GSE1: variants seen among roughly 807,000 people sequenced by gnomAD.
The protein encoded by GSE1 is genetic suppressor element 1.
Under a neutral mutation model 112.6 loss-of-function variants are expected in GSE1, and 32 were observed. That is an observed-to-expected ratio of 0.28 (90% CI 0.21 to 0.38). The LOEUF (loss-of-function observed/expected upper bound fraction) is 0.38. GSE1 is among the 10% of genes least tolerant of loss of function. The pLI is 1.00. For missense variants in GSE1, 2,348 were observed against 1,699.2 expected, an observed-to-expected ratio of 1.38 and a Z score of -6.71; for synonymous variants, 1,115 against 735.6, an observed-to-expected ratio of 1.52 and a Z score of -8.35.
chr16:85,317,385 C>A (rs927815810), intron 1 of GSE1, among the ~76,000 whole-genome samples: 4 of 152,176 alleles, frequency 2.6e-5, no homozygotes. Flanking sequence ...TTCCTACCTC[C>A]AGCTCCAGCG....
intron 2 of GSE1, among the ~76,000 whole-genome samples, chr16:85,403,438 C>T (rs1265664794): frequency 1.3e-5 from 2 of 152,082 alleles, no homozygotes; most frequent in Admixed American, 1.3e-4. Context: ...ATGAGGGTCT[C>T]TTGGTTGGTT....
At chr16:85,607,421 A>T (rs2047756922), upstream of GSE1, among the ~76,000 whole-genome samples, 1 of 152,254 alleles carries the variant, frequency 6.6e-6, no homozygotes, top group Non-Finnish European at 1.5e-5. Context: ...GGCGGCGCTC[A>T]CAAAGCGAGG....
chr16:85,655,960 C>A (rs565027012), intron 6 of GSE1, 43 bp downstream of exon 6: 31 of 1,478,954 alleles, frequency 2.1e-5, no homozygotes, highest in Non-Finnish European at 2.7e-5. Flanking sequence ...CCCTCCCTGT[C>A]CCTTGATGGC....
intron 2 of GSE1, among the ~76,000 whole-genome samples, chr16:85,641,559 G>C (rs571045060): frequency 6.6e-6 from 1 of 152,256 alleles, no homozygotes; most frequent in African/African-American, 2.4e-5. Flanking sequence ...TGGAACGCAG[G>C]GGGTCGCGGC....
At chr16:85,656,896 C>T (rs2052006812) in intron 7 of GSE1, among the ~76,000 whole-genome samples, 2 of 152,214 alleles carry the variant, frequency 1.3e-5, no homozygotes, top group Non-Finnish European at 1.5e-5. Context: ...GTAGCCGGGG[C>T]ATTAGGAAGG....
intron 1 of GSE1, among the ~76,000 whole-genome samples, chr16:85,620,576 G>A (rs1391221664): frequency 6.6e-6 from 1 of 152,234 alleles, no homozygotes; most frequent in East Asian, 1.9e-4. Context: ...GCCGATCCAC[G>A]CGGTCGTCTC....
At chr16:85,569,805 C>T (rs2045907892) in intron 1 of GSE1, among the ~76,000 whole-genome samples, 1 of 152,244 alleles carries the variant, frequency 6.6e-6, no homozygotes, top group Non-Finnish European at 1.5e-5. Context: ...TGCATCAGGC[C>T]TGTGTGGGCT....
chr16:85,660,017 G>T (rs2052299407), intron 8 of GSE1, among the ~76,000 whole-genome samples: 1 of 152,234 alleles, frequency 6.6e-6, no homozygotes, highest in African/African-American at 2.4e-5. Context: ...GCAGACACTG[G>T]AAGGTTGTCT....
intron 2 of GSE1, among the ~76,000 whole-genome samples, chr16:85,374,126 T>C (rs147141908): frequency 1.3e-5 from 2 of 151,980 alleles, no homozygotes; most frequent in Non-Finnish European, 2.9e-5. Context: ...GTGTAGTGTG[T>C]GTCAGTGTGC....
chr16:85,306,051 A>C (rs1456860634), intron 1 of GSE1, among the ~76,000 whole-genome samples: 2 of 152,112 alleles, frequency 1.3e-5, no homozygotes, highest in East Asian at 1.9e-4. Flanking sequence ...AGATCGTGCC[A>C]CTGCACTCCA....
chr16:85,478,914 TC>T lies in GSE1; in HGVS notation c.2464+121272del, dbSNP rs1567520760. On this transcript the variant is annotated intron_variant, in intron 2 of 2. Transcript: ENST00000637419. ...TTCTTTCTTTCTTTCTTTCTTTCTT[TC>T]TTTCTTTCTTTCTCTTTCTTTCTTT... is the stretch of plus-strand genomic sequence containing the variant. Among the ~76,000 whole-genome samples, 57 of 57,756 alleles carry T rather than the reference TC, an allele frequency of 9.9e-4. 1 individual carries two copies. The highest frequency in any genetic ancestry group is 1.4e-3 in the African/African-American group (15 of 10,502). 37.9% of individuals were successfully genotyped at this position (57,756 alleles called of 152,430 possible). A position where few individuals can be genotyped will look rare whatever the true frequency, so the allele number is the denominator to read the frequency against.
At chr16:85,657,678 C>G (rs2052083619) in intron 8 of GSE1, 74 bp downstream of exon 8, 15 of 1,032,040 alleles carry the variant, frequency 1.5e-5, no homozygotes, top group Non-Finnish European at 2.0e-5. Flanking sequence ...TGAGCACCTC[C>G]TGTTTGCCCA....
chr16:85,546,762 C>T (rs890255309), intron 2 of GSE1, among the ~76,000 whole-genome samples: 25 of 152,242 alleles, frequency 1.6e-4, no homozygotes, highest in African/African-American at 5.5e-4. Context: ...GCCCTAGAGG[C>T]TGGGATGAAA....
At chr16:85,548,002 C>T (rs1377078917) in intron 2 of GSE1, among the ~76,000 whole-genome samples, 3 of 151,288 alleles carry the variant, frequency 2.0e-5, no homozygotes, top group South Asian at 2.1e-4. Flanking sequence ...CCGAGGCGGG[C>T]GGATCACGAG....
intron 1 of GSE1, chr16:85,284,915 G>A (rs901962175): frequency 6.6e-6 from 1 of 152,172 alleles, no homozygotes; most frequent in African/African-American, 2.4e-5. Flanking sequence ...ACCAGAATTT[G>A]AACTTAAAAA....
At chr16:85,578,008 G>A (rs1424970183) in intron 1 of GSE1, among the ~76,000 whole-genome samples, 1 of 152,254 alleles carries the variant, frequency 6.6e-6, no homozygotes, top group Non-Finnish European at 1.5e-5. Context: ...TTTCTTTGCT[G>A]TCAGCCACCT....
chr16:85,197,919 T>C (rs1157758652), intron 1 of GSE1, among the ~76,000 whole-genome samples: 1 of 152,164 alleles, frequency 6.6e-6, no homozygotes, highest in African/African-American at 2.4e-5. Context: ...AGGTGTGTTT[T>C]CTTTCCATCT....
intron 2 of GSE1, among the ~76,000 whole-genome samples, chr16:85,370,994 C>T (rs916688198): frequency 6.6e-5 from 10 of 152,210 alleles, no homozygotes; most frequent in East Asian, 1.9e-4. Context: ...CTGCGCCCGG[C>T]GGTGGCTGGC....
At chr16:85,493,634 T>A in intron 2 of GSE1, among the ~76,000 whole-genome samples, 1 of 151,804 alleles carries the variant, frequency 6.6e-6, no homozygotes, top group East Asian at 1.9e-4. Context: ...ATGCCTGTCA[T>A]CCCAGCTACT....
Sources: gnomAD v4.1 joint callset for allele counts (sites outside exome capture counted in the v4.1 genomes callset) on GRCh38, gnomAD v4.1.1 for gene constraint, MANE v1.5 for transcripts, NCBI Gene and HGNC (gene_info 2026-07-23, HGNC 2026-07-21) for gene names.